Variants in TRPC6 observed in about 807,000 individuals in gnomAD.
The protein encoded by TRPC6 is transient receptor potential cation channel subfamily C member 6, also known as short transient receptor potential channel 6.
Under a neutral mutation model 90.7 loss-of-function variants are expected in TRPC6, and 55 were observed. That is an observed-to-expected ratio of 0.61 (90% CI 0.49 to 0.76). The LOEUF (loss-of-function observed/expected upper bound fraction) is 0.76. Ranked by LOEUF, TRPC6 falls within the 30% of genes least tolerant of loss-of-function variation. The pLI is 0.00. For synonymous variants in TRPC6, 393 were observed against 393.0 expected, an observed-to-expected ratio of 1.00 and a Z score of 0.00; for missense variants, 989 against 1,122.7, an observed-to-expected ratio of 0.88 and a Z score of 1.70.
chr11:101,523,101 A>T (rs1860697913), intron 1 of TRPC6, among the ~76,000 whole-genome samples: 1 of 152,202 alleles, frequency 6.6e-6, no homozygotes, highest in African/African-American at 2.4e-5. Flanking sequence ...AAATTTGGCA[A>T]ATTGGGCATC....
At position 101,583,614 on chromosome 11, in the gene TRPC6, A is replaced by G; in HGVS notation, c.-111T>C. The G allele has an allele frequency of 8.1e-7, 1 of 1,233,506 alleles. No homozygotes were observed. The highest frequency in any genetic ancestry group is 1.1e-6 in the Non-Finnish European group (1 of 941,574). 76.4% of individuals were successfully genotyped at this position (1,233,506 alleles called of 1,614,324 possible). On this transcript the variant is annotated 5_prime_UTR_variant, in exon 1 of 13. Coordinates refer to ENST00000344327, the MANE Select transcript of TRPC6 (RefSeq NM_004621.6). ...GTCAGCGGCCGAACTGGACCTGGGC[A>G]GACCGGTGCCCAGGGGACGACGGTG...
In TRPC6 at chr11:101,577,179, T is replaced by C. The variant is rs57077593; in HGVS notation, c.170+6155A>G. The stretch of plus-strand genomic sequence containing the variant: ...CTTTCACCAAAGTCTAGGTCTTGGC[T>C]TTATGGTTATAGATGCCATTTCAAA... On this transcript the variant is annotated intron_variant, in intron 1 of 12. Coordinates refer to ENST00000344327, the MANE Select transcript of TRPC6 (RefSeq NM_004621.6). Among the ~76,000 whole-genome samples, 261 of 152,276 alleles carry C rather than the reference T, an allele frequency of 1.7e-3. 1 individual carries two copies. The highest frequency in any genetic ancestry group is 6.0e-3 in the African/African-American group (250 of 41,558).
At chr11:101,511,094 A>G (rs553646487) in intron 1 of TRPC6, among the ~76,000 whole-genome samples, 6 of 152,226 alleles carry the variant, frequency 3.9e-5, no homozygotes, top group Non-Finnish European at 8.8e-5. Flanking sequence ...TTTGCATTTT[A>G]TTACATGCAC....
At position 101,452,646 on chromosome 11, in the gene TRPC6, C is replaced by T. The variant is rs1369986395; in HGVS notation, c.*309G>A. 3.3e-6 allele frequency: 1 copy of T among 303,858 alleles called. No homozygotes were observed. Among genetic ancestry groups the T allele is most frequent in the Non-Finnish European group, 6.2e-6 (1 of 160,468 alleles). 18.8% of individuals were successfully genotyped at this position (303,858 alleles called of 1,614,324 possible). ...GGGTCAGCCCCTGTCCGCTGGGACCCATTTTCAGGCAGACACTACATGGCA... is the reference window on the plus strand; with the variant it reads ...GGGTCAGCCCCTGTCCGCTGGGACCTATTTTCAGGCAGACACTACATGGCA... On this transcript the variant is annotated 3_prime_UTR_variant, in exon 13 of 13. Transcript: ENST00000344327.
At chr11:101,482,156 A>G (rs1859566014) in intron 5 of TRPC6, among the ~76,000 whole-genome samples, 1 of 152,166 alleles carries the variant, frequency 6.6e-6, no homozygotes, top group African/African-American at 2.4e-5. Context: ...TTGAATTTTA[A>G]TTATTGATTT....
chr11:101,480,260 T>C (rs2136685957), intron 5 of TRPC6, among the ~76,000 whole-genome samples: 1 of 152,280 alleles, frequency 6.6e-6, no homozygotes, highest in Non-Finnish European at 1.5e-5. Context: ...ATGAACATGT[T>C]ATATAAAATA....
intron 2 of TRPC6, among the ~76,000 whole-genome samples, chr11:101,499,699 A>G (rs1207342360): frequency 1.0e-5 from 1 of 95,792 alleles, no homozygotes; most frequent in Non-Finnish European, 2.0e-5. Context: ...TAAAATGTGT[A>G]TATATATATA....
chr11:101,453,723 T>A lies in TRPC6; in HGVS notation c.2571A>T (p.Lys857Asn). 6.2e-7 allele frequency: 1 copy of A among 1,612,990 alleles called. No individual in the cohort carries two copies. Among genetic ancestry groups the A allele is most frequent in the Non-Finnish European group, 8.5e-7 (1 of 1,179,080 alleles). Reference sequence around the variant, plus strand: ...ATCTTTTAATGAGCCTTTTCATTATTTTCTAGAAAACAGAGAAAGGAGAAA... The same window carrying A: ...ATCTTTTAATGAGCCTTTTCATTATATTCTAGAAAACAGAGAAAGGAGAAA... ...SFNNPPRQYQ[K>N]IMKRLIKRYV... Residue 857 changes from lysine to asparagine, a missense_variant and splice_region_variant, in exon 12 of 13, where the codon AAA (lysine) becomes AAT (asparagine). Transcript: ENST00000344327.
intron 1 of TRPC6, among the ~76,000 whole-genome samples, chr11:101,518,425 A>T (rs1565226814): frequency 6.6e-6 from 1 of 152,224 alleles, no homozygotes; most frequent in Non-Finnish European, 1.5e-5. Context: ...TACAAATTGC[A>T]AACAGAAATA....
At position 101,500,013 on chromosome 11, in the gene TRPC6, A is replaced by G. The variant is rs1451134827; in HGVS notation, c.945+4011T>C. On this transcript the variant is annotated intron_variant, in intron 2 of 12. Coordinates refer to ENST00000344327, the MANE Select transcript of TRPC6 (RefSeq NM_004621.6). ...TATACACAGTATAAAATGTGTATAT[A>G]TATACGCAATATAAAATGTGTATAT... 8.2e-5 allele frequency among the ~76,000 whole-genome samples: 10 copies of G among 121,996 alleles called. 1 individual carries two copies. Among genetic ancestry groups the G allele is most frequent in the African/African-American group, 2.8e-4 (9 of 32,196 alleles). 80.0% of individuals were successfully genotyped at this position (121,996 alleles called of 152,430 possible).
intron 10 of TRPC6, chr11:101,455,615 T>A (rs528507151): frequency 6.5e-6 from 1 of 153,926 alleles, no homozygotes; most frequent in African/African-American, 2.4e-5. Flanking sequence ...CTGTATACTA[T>A]CCCATTTGGG....
At chr11:101,514,503 GC>G (rs1436378779) in intron 1 of TRPC6, among the ~76,000 whole-genome samples, 7 of 152,070 alleles carry the variant, frequency 4.6e-5, no homozygotes, top group Non-Finnish European at 1.0e-4. Flanking sequence ...TAAGTCAGCA[GC>G]CCAGAAAAAA....
rs149820702 is a variant in TRPC6 at position 101,484,265 on chromosome 11, A to G, written c.1294-1100T>C. On this transcript the variant is annotated intron_variant, in intron 4 of 12. Coordinates refer to ENST00000344327, the MANE Select transcript of TRPC6 (RefSeq NM_004621.6). ...AAACTTGTTCAAGGTCACATATCTCATAAGTGGTAGAGCTGGAACTTGAAC... is the reference window on the plus strand; with the variant it reads ...AAACTTGTTCAAGGTCACATATCTCGTAAGTGGTAGAGCTGGAACTTGAAC... Among the ~76,000 whole-genome samples the G allele has an allele frequency of 1.4e-3, 214 of 152,240 alleles. 1 individual carries two copies. The highest frequency in any genetic ancestry group is 4.7e-3 in the African/African-American group (194 of 41,572).
intron 7 of TRPC6, 67 bp from the exon 8 acceptor site, chr11:101,472,399 TAA>T (rs1591067374): frequency 6.8e-7 from 1 of 1,469,622 alleles, no homozygotes. Context: ...ATTACCATAA[TAA>T]AAGTGAGTTT....
intron 1 of TRPC6, among the ~76,000 whole-genome samples, chr11:101,535,767 C>G (rs766493429): frequency 9.9e-5 from 15 of 152,074 alleles, no homozygotes; most frequent in Non-Finnish European, 2.1e-4. Context: ...ATGAAATGAC[C>G]TACCTGGAAA....
Position 101,577,554 on chromosome 11 carries a change from A to G in TRPC6, c.170+5780T>C, listed in dbSNP as rs540704979. On this transcript the variant is annotated intron_variant, in intron 1 of 12. Coordinates refer to ENST00000344327, the MANE Select transcript of TRPC6 (RefSeq NM_004621.6). ...GGAAAATAGATATTACACCAAAGAA[A>G]AAGGTTGTGGCGGGAGGTGGGGAGG... Among the ~76,000 whole-genome samples, 9 of 152,330 alleles carry G rather than the reference A, an allele frequency of 5.9e-5. 1 individual carries two copies. In the South Asian group the frequency reaches 1.9e-3, roughly 32 times the overall value.
intron 2 of TRPC6, among the ~76,000 whole-genome samples, chr11:101,495,826 T>C (rs532601076): frequency 6.6e-6 from 1 of 152,056 alleles, no homozygotes; most frequent in Non-Finnish European, 1.5e-5. Context: ...ACTCTCTTAT[T>C]AAGATGGGAG....
At chr11:101,533,580 A>G (rs1860962955) in intron 1 of TRPC6, among the ~76,000 whole-genome samples, 1 of 152,190 alleles carries the variant, frequency 6.6e-6, no homozygotes, top group African/African-American at 2.4e-5. Flanking sequence ...TCAGAGTTGT[A>G]GGTCTGAAGT....
At chr11:101,482,712 T>G (rs1053528161) in intron 5 of TRPC6, among the ~76,000 whole-genome samples, 9 of 152,218 alleles carry the variant, frequency 5.9e-5, no homozygotes, top group Admixed American at 5.9e-4. Flanking sequence ...ACTACCCTGT[T>G]GGTTTTCTTC....
Sources: gnomAD v4.1 joint callset for allele counts (sites outside exome capture counted in the v4.1 genomes callset) on GRCh38, gnomAD v4.1.1 for gene constraint, MANE v1.5 for transcripts, NCBI Gene and HGNC (gene_info 2026-07-23, HGNC 2026-07-21) for gene names.